DYNC1I1: variants seen among roughly 807,000 people sequenced by gnomAD.
DYNC1I1 encodes cytoplasmic dynein 1 intermediate chain 1.
In DYNC1I1, 43 loss-of-function variants were observed where a neutral mutation model predicts 86.6. That is an observed-to-expected ratio of 0.50 (90% CI 0.39 to 0.64). DYNC1I1 has a LOEUF of 0.64. Ranked by LOEUF, DYNC1I1 falls within the 30% of genes least tolerant of loss-of-function variation. The pLI is 0.00. For missense variants in DYNC1I1, 604 were observed against 788.8 expected, an observed-to-expected ratio of 0.77 and a Z score of 2.81; for synonymous variants, 262 against 283.7, an observed-to-expected ratio of 0.92 and a Z score of 0.77.
chr7:95,813,362 C>G (rs529156885), intron 4 of DYNC1I1, 25 bp downstream of exon 4: 1 of 1,568,706 alleles, frequency 6.4e-7, no homozygotes, highest in South Asian at 1.2e-5. Context: ...TTTAAAAGGC[C>G]ATGATGGGTG....
At chr7:95,998,056 G>A (rs1793914432) in intron 10 of DYNC1I1, among the ~76,000 whole-genome samples, 1 of 152,212 alleles carries the variant, frequency 6.6e-6, no homozygotes, top group African/African-American at 2.4e-5. Context: ...GTACTAAAGT[G>A]TAATACCTGT....
chr7:95,981,207 G>GA (rs1329284611), intron 7 of DYNC1I1, among the ~76,000 whole-genome samples: 1 of 151,574 alleles, frequency 6.6e-6, no homozygotes, highest in East Asian at 1.9e-4. Flanking sequence ...TTTATAGAGG[G>GA]AAAAAAATCA....
chr7:95,945,141 G>T (rs1291404777), intron 6 of DYNC1I1, among the ~76,000 whole-genome samples: 2 of 151,890 alleles, frequency 1.3e-5, no homozygotes, highest in Non-Finnish European at 2.9e-5. Flanking sequence ...TTAATCAGAT[G>T]CATTTATGGT....
At chr7:95,890,918 T>C (rs1790720952) in intron 6 of DYNC1I1, among the ~76,000 whole-genome samples, 1 of 152,242 alleles carries the variant, frequency 6.6e-6, no homozygotes, top group Non-Finnish European at 1.5e-5. Context: ...AAGTGATTTT[T>C]AGTGGATGTG....
intron 5 of DYNC1I1, among the ~76,000 whole-genome samples, chr7:95,834,648 A>C (rs1458461827): frequency 1.5e-5 from 2 of 135,268 alleles, no homozygotes; most frequent in Admixed American, 7.6e-5. Context: ...ACAATTTCAG[A>C]TCCTGTTATT....
intron 5 of DYNC1I1, among the ~76,000 whole-genome samples, chr7:95,843,577 G>T (rs1243697072): frequency 6.6e-6 from 1 of 152,066 alleles, no homozygotes; most frequent in African/African-American, 2.4e-5. Context: ...GGGTAAATTT[G>T]GTCTCTATTA....
chr7:95,970,340 G>T (rs779175966), intron 6 of DYNC1I1, among the ~76,000 whole-genome samples: 4 of 152,094 alleles, frequency 2.6e-5, no homozygotes, highest in Non-Finnish European at 4.4e-5. Flanking sequence ...CCACGTTGCT[G>T]CCATATCCTT....
intron 7 of DYNC1I1, among the ~76,000 whole-genome samples, chr7:95,977,883 G>A (rs1354851499): frequency 6.6e-6 from 1 of 152,162 alleles, no homozygotes; most frequent in Non-Finnish European, 1.5e-5. Context: ...CAATTGCCAT[G>A]TTATCTCATT....
At chr7:96,020,097 CAAAAA>C (rs10595929) in intron 10 of DYNC1I1, among the ~76,000 whole-genome samples, 1 of 122,202 alleles carries the variant, frequency 8.2e-6, no homozygotes, top group African/African-American at 2.9e-5. Flanking sequence ...AAAAGAAAGC[CAAAAA>C]AAAAAAAAAA....
chr7:95,892,995 A>T (rs1790784362), intron 6 of DYNC1I1, among the ~76,000 whole-genome samples: 1 of 151,926 alleles, frequency 6.6e-6, no homozygotes, highest in Admixed American at 6.6e-5. Flanking sequence ...TCTGCCATAA[A>T]CTCTTTCCTC....
intron 7 of DYNC1I1, among the ~76,000 whole-genome samples, chr7:95,983,704 G>T (rs941815841): frequency 1.3e-5 from 2 of 152,144 alleles, no homozygotes; most frequent in African/African-American, 4.8e-5. Flanking sequence ...TGACCATGTG[G>T]CCAGGTGGAA....
intron 6 of DYNC1I1, among the ~76,000 whole-genome samples, chr7:95,903,105 GCCAA>G (rs1201810052): frequency 6.6e-6 from 1 of 152,146 alleles, no homozygotes; most frequent in Non-Finnish European, 1.5e-5. Context: ...GTACTCCATG[GCCAA>G]ATCTTGGTAG....
At chr7:95,924,000 G>A (rs1382343981) in intron 6 of DYNC1I1, among the ~76,000 whole-genome samples, 1 of 152,054 alleles carries the variant, frequency 6.6e-6, no homozygotes, top group Non-Finnish European at 1.5e-5. Context: ...TATTTGCCAA[G>A]GAAAAACAAG....
chr7:96,006,511 C>G (rs1299313444), intron 10 of DYNC1I1, among the ~76,000 whole-genome samples: 1 of 152,152 alleles, frequency 6.6e-6, no homozygotes, highest in Non-Finnish European at 1.5e-5. Flanking sequence ...TATCACTTCT[C>G]TATATTGAAA....
chr7:95,836,872 A>C (rs1406210167), intron 5 of DYNC1I1, among the ~76,000 whole-genome samples: 3 of 151,122 alleles, frequency 2.0e-5, no homozygotes, highest in South Asian at 2.1e-4. Flanking sequence ...CATTCTTCTA[A>C]ATTTTTTTCA....
chr7:95,802,086 C>T (rs1794590845), intron 1 of DYNC1I1, among the ~76,000 whole-genome samples: 1 of 152,004 alleles, frequency 6.6e-6, no homozygotes. Context: ...AACTCTATTC[C>T]TCAACTTCAG....
At chr7:95,777,247 G>C (rs1387685576) in intron 1 of DYNC1I1, among the ~76,000 whole-genome samples, 1 of 152,176 alleles carries the variant, frequency 6.6e-6, no homozygotes, top group African/African-American at 2.4e-5. Context: ...CTTAAGGTGA[G>C]TTGAAACTCC....
intron 6 of DYNC1I1, among the ~76,000 whole-genome samples, chr7:95,945,629 C>G (rs1792377085): frequency 1.3e-5 from 2 of 152,158 alleles, no homozygotes; most frequent in Admixed American, 6.5e-5. Context: ...ACTCAGTTCA[C>G]AGCATTCACT....
At chr7:95,994,288 A>C (rs1246420356) in intron 9 of DYNC1I1, among the ~76,000 whole-genome samples, 1 of 152,116 alleles carries the variant, frequency 6.6e-6, no homozygotes, top group African/African-American at 2.4e-5. Flanking sequence ...ACCAGTCCCT[A>C]CTCTCAAAGA....
Sources: gnomAD v4.1 joint callset for allele counts (sites outside exome capture counted in the v4.1 genomes callset) on GRCh38, gnomAD v4.1.1 for gene constraint, MANE v1.5 for transcripts, NCBI Gene and HGNC (gene_info 2026-07-23, HGNC 2026-07-21) for gene names.